Variants in CDH11 observed in about 807,000 individuals in gnomAD.
CDH11 encodes cadherin-11.
CDH11 carries 11 observed loss-of-function variants against 67.8 expected under a neutral mutation model. The ratio of observed to expected loss-of-function variants is 0.16; its 90% CI spans 0.10 to 0.27. The LOEUF (loss-of-function observed/expected upper bound fraction) is 0.27, where lower values mean the gene tolerates loss of function less well. Among genes scored for constraint, CDH11 ranks in the 10% least tolerant of loss-of-function variants. The probability of loss-of-function intolerance (pLI) is 1.00; values close to 1 mark genes in which losing one functional copy is unlikely to be tolerated. For missense variants in CDH11, 847 were observed against 1,031.2 expected (o/e 0.82, Z 2.45); for synonymous variants, 419 against 400.0 (o/e 1.05, Z -0.57).
intron 1 of CDH11, among the ~76,000 whole-genome samples, chr16:65,117,655 G>A (rs541384523): frequency 1.3e-5 from 2 of 152,146 alleles, no homozygotes; most frequent in South Asian, 2.1e-4. Flanking sequence ...AGTGTTTACC[G>A]AAGATCAAAC....
chr16:65,099,017 CT>C (rs2074945611), intron 1 of CDH11, among the ~76,000 whole-genome samples: 1 of 152,126 alleles, frequency 6.6e-6, no homozygotes, highest in African/African-American at 2.4e-5. Flanking sequence ...TTGTAACCGT[CT>C]ATTTTCTTAG....
chr16:64,985,598 G>A (rs921194114), intron 7 of CDH11: 2 of 151,716 alleles, frequency 1.3e-5, no homozygotes, highest in African/African-American at 4.8e-5. Flanking sequence ...TGTCCCATGT[G>A]CATAGGCCTT....
chr16:64,956,176 C>T (rs974743875), intron 11 of CDH11, among the ~76,000 whole-genome samples: 3 of 152,190 alleles, frequency 2.0e-5, no homozygotes, highest in Non-Finnish European at 4.4e-5. Flanking sequence ...GAATCTTGTA[C>T]ATATTAATTG....
intron 2 of CDH11, among the ~76,000 whole-genome samples, chr16:65,013,450 A>G (rs1403913330): frequency 6.6e-6 from 1 of 152,098 alleles, no homozygotes; most frequent in Non-Finnish European, 1.5e-5. Context: ...AGGAGTTGGA[A>G]GGTTAGAGCT....
At chr16:65,011,257 C>G (rs2142548608) in intron 2 of CDH11, among the ~76,000 whole-genome samples, 1 of 151,950 alleles carries the variant, frequency 6.6e-6, no homozygotes, top group South Asian at 2.1e-4. Flanking sequence ...ACTGCAGAAG[C>G]CAGGCTTGAC....
intron 12 of CDH11, chr16:64,948,573 G>A (rs764220105): frequency 4.4e-6 from 5 of 1,140,876 alleles, no homozygotes; most frequent in Non-Finnish European, 5.8e-6. Flanking sequence ...CTGAGAAAGA[G>A]TATTGGTCCT....
chr16:65,038,437 A>T (rs1311698097), intron 2 of CDH11, among the ~76,000 whole-genome samples: 1 of 152,192 alleles, frequency 6.6e-6, no homozygotes, highest in Non-Finnish European at 1.5e-5. Context: ...TGAGAATGAC[A>T]TCAAAAGCTC....
intron 1 of CDH11, among the ~76,000 whole-genome samples, chr16:65,064,105 G>T (rs1412489732): frequency 6.6e-6 from 1 of 152,178 alleles, no homozygotes; most frequent in Non-Finnish European, 1.5e-5. Flanking sequence ...TGATGTGTAG[G>T]CACAGCCAGG....
chr16:64,956,673 G>C (rs538140121), intron 11 of CDH11, among the ~76,000 whole-genome samples: 1 of 152,190 alleles, frequency 6.6e-6, no homozygotes. Context: ...CATGCACAAA[G>C]TGTAGTGTTT....
At chr16:65,092,544 C>A (rs1330083984) in intron 1 of CDH11, among the ~76,000 whole-genome samples, 1 of 152,146 alleles carries the variant, frequency 6.6e-6, no homozygotes, top group Middle Eastern at 3.2e-3. Context: ...GATGGGGTGG[C>A]TATTACTATC....
At chr16:65,078,835 G>T (rs1156446710) in intron 1 of CDH11, among the ~76,000 whole-genome samples, 1 of 152,124 alleles carries the variant, frequency 6.6e-6, no homozygotes, top group African/African-American at 2.4e-5. Context: ...GCCATTTGGG[G>T]TATTTGGCAG....
Position 64,992,893 on chromosome 16 carries a change from TCA to T in CDH11, c.643+20_643+21del, listed in dbSNP as rs2072666022. On this transcript the variant is annotated intron_variant, in intron 5 of 12. Coordinates refer to ENST00000268603, the MANE Select transcript of CDH11 (RefSeq NM_001797.4). ...CTTCTTATTCACCATGTGTCACAAA[TCA>T]CAGTGACATTCCACAGTACCTGTCT... The T allele has an allele frequency of 1.9e-6, 3 of 1,610,266 alleles. No homozygotes were observed. The highest frequency in any genetic ancestry group is 1.7e-6 in the Non-Finnish European group (2 of 1,177,298).
At chr16:64,950,260 T>C (rs1015491457) in intron 12 of CDH11, among the ~76,000 whole-genome samples, 1 of 152,158 alleles carries the variant, frequency 6.6e-6, no homozygotes, top group Non-Finnish European at 1.5e-5. Context: ...AGATGTTATA[T>C]ATGATAATTA....
chr16:65,004,355 AG>A (rs1490120572), intron 3 of CDH11, among the ~76,000 whole-genome samples: 1 of 152,246 alleles, frequency 6.6e-6, no homozygotes, highest in African/African-American at 2.4e-5. Flanking sequence ...TCTGGGCAAC[AG>A]AGAGAGACCC....
chr16:65,064,836 A>G (rs570311835), intron 1 of CDH11, among the ~76,000 whole-genome samples: 1 of 152,220 alleles, frequency 6.6e-6, no homozygotes, highest in African/African-American at 2.4e-5. Context: ...TAAGTAAATA[A>G]CAATGTGATT....
At chr16:64,950,019 G>C (rs1366573366) in intron 12 of CDH11, among the ~76,000 whole-genome samples, 2 of 152,140 alleles carry the variant, frequency 1.3e-5, no homozygotes, top group Non-Finnish European at 2.9e-5. Context: ...TGTAGGTTTG[G>C]TGTCAGACAT....
chr16:64,945,300 G>GAAAAAAAAAAAAAAAA lies in CDH11; in HGVS notation c.*2302_*2303insTTTTTTTTTTTTTTTT. 1 of 360,022 alleles carries GAAAAAAAAAAAAAAAA rather than the reference G, an allele frequency of 2.8e-6. No homozygotes were observed. The allele number at this position is 360,022 out of a possible 1,614,324, so 22.3% of individuals were successfully genotyped here. On this transcript the variant is annotated 3_prime_UTR_variant, in exon 13 of 13. Transcript: ENST00000268603. ...TAGAGGCTTAACGAAAAAATAAAAG[G>GAAAAAAAAAAAAAAAA]TAAAAAAAAAAAAAAAAAAGAAAAA... is the stretch of plus-strand genomic sequence containing the variant.
chr16:65,013,282 A>G (rs2073220048), intron 2 of CDH11, among the ~76,000 whole-genome samples: 1 of 152,158 alleles, frequency 6.6e-6, no homozygotes, highest in African/African-American at 2.4e-5. Flanking sequence ...AGATTCCAGT[A>G]TTAGGAATCA....
intron 1 of CDH11, among the ~76,000 whole-genome samples, chr16:65,104,039 G>T (rs1177296123): frequency 1.3e-5 from 2 of 151,988 alleles, no homozygotes; most frequent in African/African-American, 2.4e-5. Context: ...GACTGCACTG[G>T]GTTAAAGAGT....
Sources: gnomAD v4.1 joint callset for allele counts (sites outside exome capture counted in the v4.1 genomes callset) on GRCh38, gnomAD v4.1.1 for gene constraint, MANE v1.5 for transcripts, NCBI Gene and HGNC (gene_info 2026-07-23, HGNC 2026-07-21) for gene names.